Variants in OSBPL1A observed in about 807,000 individuals in gnomAD.
OSBPL1A encodes oxysterol binding protein like 1A, also known as oxysterol-binding protein-related protein 1.
In OSBPL1A, 80 loss-of-function variants were observed where a neutral mutation model predicts 137.1. The observed-to-expected ratio is 0.58, with a 90% confidence interval of 0.49 to 0.70. The LOEUF (loss-of-function observed/expected upper bound fraction) is 0.70. OSBPL1A is among the 30% of genes least tolerant of loss of function. OSBPL1A has a pLI of 0.00. For synonymous variants in OSBPL1A, 365 were observed against 389.7 expected (o/e 0.94, Z 0.75); for missense variants, 970 against 1,129.4 (o/e 0.86, Z 2.02).
At chr18:24,240,735 C>T (rs1190481208) in intron 15 of OSBPL1A, among the ~76,000 whole-genome samples, 1 of 152,092 alleles carries the variant, frequency 6.6e-6, no homozygotes, top group Non-Finnish European at 1.5e-5. Context: ...AGCAGCGGAA[C>T]CTATTTCTCA....
chr18:24,180,826 G>C (rs1455669832), intron 19 of OSBPL1A, among the ~76,000 whole-genome samples: 1 of 152,104 alleles, frequency 6.6e-6, no homozygotes, highest in Non-Finnish European at 1.5e-5. Context: ...GCCGTGAGCC[G>C]AGATTGCACC....
At chr18:24,371,592 A>C (rs571768961) in intron 2 of OSBPL1A, among the ~76,000 whole-genome samples, 1 of 152,074 alleles carries the variant, frequency 6.6e-6, no homozygotes, top group South Asian at 2.1e-4. Flanking sequence ...AGGAGTAAGA[A>C]CTCTGGTGTC....
chr18:24,221,987 C>T (rs749304729), intron 17 of OSBPL1A, among the ~76,000 whole-genome samples: 29 of 152,118 alleles, frequency 1.9e-4, no homozygotes, highest in African/African-American at 4.8e-4. Flanking sequence ...AAGTTTTCTA[C>T]GGCGACGATG....
chr18:24,328,209 A>ATTTTTTTT (rs1568030623), intron 7 of OSBPL1A, among the ~76,000 whole-genome samples: 2 of 118,470 alleles, frequency 1.7e-5, no homozygotes, highest in East Asian at 4.6e-4. Context: ...CGCCCGGCTA[A>ATTTTTTTT]TTTTTTGTAT....
At chr18:24,229,273 C>T (rs1270518896) in intron 16 of OSBPL1A, among the ~76,000 whole-genome samples, 2 of 152,146 alleles carry the variant, frequency 1.3e-5, no homozygotes, top group African/African-American at 2.4e-5. Context: ...CGATACATGT[C>T]ATGAGGTTCT....
chr18:24,223,499 T>A (rs1039941455), intron 17 of OSBPL1A, among the ~76,000 whole-genome samples: 1 of 152,170 alleles, frequency 6.6e-6, no homozygotes, highest in African/African-American at 2.4e-5. Context: ...TACACTTTTC[T>A]GGTTAGGTCA....
At chr18:24,166,267 G>A (rs2086143847) in intron 26 of OSBPL1A, among the ~76,000 whole-genome samples, 1 of 152,078 alleles carries the variant, frequency 6.6e-6, no homozygotes, top group African/African-American at 2.4e-5. Flanking sequence ...TCTCCTCTGA[G>A]GCTGACAAGG....
At chr18:24,221,932 G>A (rs559527726) in intron 17 of OSBPL1A, among the ~76,000 whole-genome samples, 36 of 151,996 alleles carry the variant, frequency 2.4e-4, no homozygotes, top group Non-Finnish European at 4.7e-4. Flanking sequence ...GGCTGATTTT[G>A]TATATGGCAG....
intron 2 of OSBPL1A, among the ~76,000 whole-genome samples, chr18:24,373,477 C>T (rs1027572595): frequency 3.3e-5 from 5 of 152,152 alleles, no homozygotes; most frequent in Admixed American, 2.0e-4. Flanking sequence ...CTCACACAAG[C>T]AAGACAGGAC....
At chr18:24,312,471 A>T (rs1462632758) in intron 12 of OSBPL1A, among the ~76,000 whole-genome samples, 1 of 152,222 alleles carries the variant, frequency 6.6e-6, no homozygotes, top group Non-Finnish European at 1.5e-5. Context: ...AAGTTACTAT[A>T]TAGTAATGGA....
intron 17 of OSBPL1A, among the ~76,000 whole-genome samples, chr18:24,217,052 ATGAGGGTCCTGTCAGAGGGACACAG>A (rs1405212842): frequency 6.6e-6 from 1 of 152,138 alleles, no homozygotes; most frequent in African/African-American, 2.4e-5. Context: ...AGAGAAACCA[ATGAGGGTCCTGTCAGAGGGACACAG>A]AAGCTGACCC....
At chr18:24,264,066 T>G (rs144055177) in intron 15 of OSBPL1A, among the ~76,000 whole-genome samples, 17 of 152,332 alleles carry the variant, frequency 1.1e-4, no homozygotes, top group African/African-American at 4.1e-4. Flanking sequence ...AATGTTGGAA[T>G]CTAGTGATTG....
chr18:24,253,167 C>T (rs55639059), intron 15 of OSBPL1A, among the ~76,000 whole-genome samples: 4 of 95,042 alleles, frequency 4.2e-5, no homozygotes, highest in South Asian at 8.7e-4. Flanking sequence ...AAAGACATGG[C>T]GGGGGGGGGC....
intron 14 of OSBPL1A, chr18:24,301,197 A>G (rs913149619): frequency 6.6e-6 from 1 of 152,226 alleles, no homozygotes; most frequent in Non-Finnish European, 1.5e-5. Context: ...TGTAGTATCA[A>G]TATTACGCAT....
At chr18:24,242,174 G>A (rs1197246647) in intron 15 of OSBPL1A, among the ~76,000 whole-genome samples, 6 of 151,780 alleles carry the variant, frequency 4.0e-5, no homozygotes, top group African/African-American at 1.2e-4. Flanking sequence ...AATTCCTAAC[G>A]CAGATGACAG....
intron 14 of OSBPL1A, 31 bp from the exon 15 acceptor site, chr18:24,280,979 G>A (rs1236019848): frequency 1.3e-5 from 18 of 1,435,622 alleles, no homozygotes; most frequent in African/African-American, 5.7e-5. Flanking sequence ...ACAGTGAGTC[G>A]GATTTTAAGG....
intron 4 of OSBPL1A, among the ~76,000 whole-genome samples, chr18:24,356,719 CA>C (rs1301208333): frequency 6.6e-6 from 1 of 152,130 alleles, no homozygotes; most frequent in Admixed American, 6.5e-5. Flanking sequence ...ATATCAAAAC[CA>C]ATATCCCATA....
intron 7 of OSBPL1A, among the ~76,000 whole-genome samples, chr18:24,331,675 CATGAGCCACCGCG>C (rs2091081316): frequency 6.6e-6 from 1 of 150,724 alleles, no homozygotes; most frequent in African/African-American, 2.5e-5. Flanking sequence ...GGATTACAGG[CATGAGCCACCGCG>C]CCCGGCGGCA....
At chr18:24,337,359 T>A (rs938203633) in intron 5 of OSBPL1A, among the ~76,000 whole-genome samples, 1 of 108,984 alleles carries the variant, frequency 9.2e-6, no homozygotes, top group Non-Finnish European at 2.0e-5. Flanking sequence ...AAGTAATACA[T>A]AATATAAACA....
Sources: allele counts gnomAD v4.1 joint callset (sites outside exome capture counted in the v4.1 genomes callset), GRCh38; gene constraint gnomAD v4.1.1; transcripts MANE v1.5; gene names NCBI Gene and HGNC (gene_info 2026-07-23, HGNC 2026-07-21).